Variants in NAA11 observed in about 807,000 individuals in gnomAD.
The protein encoded by NAA11 is N-alpha-acetyltransferase 11.
A neutral mutation model predicts 16.1 loss-of-function variants in NAA11; 15 were observed. The ratio of observed to expected loss-of-function variants is 0.93; its 90% CI spans 0.62 to 1.44. The LOEUF is 1.44. Ranked by LOEUF, NAA11 falls within the 40% of genes most tolerant of loss-of-function variation. The pLI is 0.00. For missense variants in NAA11, 298 were observed against 291.3 expected, an observed-to-expected ratio of 1.02 and a Z score of -0.17; for synonymous variants, 122 against 112.4, an observed-to-expected ratio of 1.09 and a Z score of -0.54.
At chr4:79,200,514 A>G in the NAA11 span, among the ~76,000 whole-genome samples, 1 of 151,774 alleles carries the variant, frequency 6.6e-6, no homozygotes, top group Non-Finnish European at 1.5e-5. Flanking sequence ...TGTTCTGAGT[A>G]GGTTTCTGCC....
chr4:79,194,852 A>C, the NAA11 span, among the ~76,000 whole-genome samples: 1 of 152,056 alleles, frequency 6.6e-6, no homozygotes, highest in Non-Finnish European at 1.5e-5. Context: ...TTTATGATGA[A>C]AAAAACTAAG....
chr4:79,276,839 C>G (rs1211310558), intron 2 of NAA11, among the ~76,000 whole-genome samples: 1 of 152,050 alleles, frequency 6.6e-6, no homozygotes, highest in African/African-American at 2.4e-5. Flanking sequence ...CAATTTAAAG[C>G]CCGAAATCAA....
At chr4:79,230,190 C>T (rs4333207) in intron 2 of NAA11, among the ~76,000 whole-genome samples, 2,305 of 151,622 alleles carry the variant, frequency 0.015, 55 homozygotes, top group African/African-American at 0.052. Context: ...AACCAAACAC[C>T]GCATATTCTC....
the NAA11 span, among the ~76,000 whole-genome samples, chr4:79,204,551 G>T: frequency 1.8e-5 from 2 of 113,090 alleles, no homozygotes; most frequent in African/African-American, 3.3e-5. Context: ...TCCTCCCTCC[G>T]TCCCTTCCTT....
At chr4:79,172,305 A>G in the NAA11 span, among the ~76,000 whole-genome samples, 1 of 152,176 alleles carries the variant, frequency 6.6e-6, no homozygotes, top group East Asian at 1.9e-4. Context: ...TATTGGAACC[A>G]TTTCCTTGAA....
At chr4:79,283,994 ATGAAGTGAT>A (rs374685893) in intron 2 of NAA11, among the ~76,000 whole-genome samples, 1,770 of 152,196 alleles carry the variant, frequency 0.012, 40 homozygotes, top group African/African-American at 0.041. Context: ...GAATGAATGA[ATGAAGTGAT>A]TGAGGAACTT....
chr4:79,231,398 A>G (rs921113654), intron 2 of NAA11, among the ~76,000 whole-genome samples: 6 of 151,920 alleles, frequency 3.9e-5, no homozygotes, highest in Non-Finnish European at 7.4e-5. Context: ...TGTCCTCCCT[A>G]GTTACACTGG....
chr4:79,213,526 C>T, the NAA11 span, among the ~76,000 whole-genome samples: 68 of 150,930 alleles, frequency 4.5e-4, 1 homozygote, highest in South Asian at 6.4e-3. Context: ...GAATAGGAAG[C>T]TTTTGTTTTA....
rs1400807134 is a variant in NAA11, at chr4:79,230,168, G to A, written c.*123-3898C>T. On this transcript the variant is annotated intron_variant and NMD_transcript_variant, in intron 2 of 2. Transcript: ENST00000511542. ...TGGGTTGGTTCCACAGTAAACTATC[G>A]CAAGAACAAAAAACCAAACACCGCA... 4.0e-5 allele frequency among the ~76,000 whole-genome samples: 6 copies of A among 151,360 alleles called. No homozygotes were observed. In the South Asian group the frequency reaches 6.3e-4, roughly 16 times the overall value.
the NAA11 span, among the ~76,000 whole-genome samples, chr4:79,168,323 A>G: frequency 6.6e-6 from 1 of 152,228 alleles, no homozygotes; most frequent in African/African-American, 2.4e-5. Flanking sequence ...CAGTGCCACA[A>G]TAAACATATG....
chr4:79,239,778 C>T (rs949374464), intron 2 of NAA11, among the ~76,000 whole-genome samples: 1 of 152,106 alleles, frequency 6.6e-6, no homozygotes, highest in Non-Finnish European at 1.5e-5. Flanking sequence ...TATTAATGCC[C>T]ACCAAGGGAT....
the NAA11 span, among the ~76,000 whole-genome samples, chr4:79,162,008 A>G: frequency 6.6e-6 from 1 of 152,040 alleles, no homozygotes; most frequent in Non-Finnish European, 1.5e-5. Context: ...ATTTCATTCC[A>G]CAGTATTTTG....
the NAA11 span, among the ~76,000 whole-genome samples, chr4:79,209,490 C>G: frequency 2.0e-5 from 3 of 152,188 alleles, no homozygotes; most frequent in South Asian, 2.1e-4. Flanking sequence ...GTTAATACAT[C>G]CACTGAACAC....
intron 1 of NAA11, chr4:79,299,512 A>G (rs1482096807): frequency 6.6e-6 from 1 of 152,220 alleles, no homozygotes; most frequent in Non-Finnish European, 1.5e-5. Context: ...GTTTGACTTT[A>G]TATCTCTGAC....
At chr4:79,159,932 TTTG>T in the NAA11 span, among the ~76,000 whole-genome samples, 2 of 152,082 alleles carry the variant, frequency 1.3e-5, no homozygotes, top group Admixed American at 6.5e-5. Context: ...TATACTAACT[TTTG>T]TTCATCTATT....
intron 2 of NAA11, among the ~76,000 whole-genome samples, chr4:79,244,530 A>T (rs1022518765): frequency 1.1e-4 from 17 of 152,118 alleles, no homozygotes; most frequent in Non-Finnish European, 1.9e-4. Flanking sequence ...TAAAATTTTT[A>T]AAATTAACTA....
chr4:79,185,835 A>G, the NAA11 span, among the ~76,000 whole-genome samples: 1 of 152,152 alleles, frequency 6.6e-6, no homozygotes, highest in Admixed American at 6.5e-5. Context: ...ATCTTGTCTG[A>G]AAGCTGGTTA....
downstream of NAA11, among the ~76,000 whole-genome samples, chr4:79,224,189 G>A (rs570140836): frequency 2.0e-5 from 3 of 152,230 alleles, no homozygotes; most frequent in African/African-American, 7.2e-5. Context: ...CAGCAGGCAA[G>A]AATCTGAAAG....
chr4:79,236,222 C>A (rs1243510187), intron 2 of NAA11, among the ~76,000 whole-genome samples: 6 of 152,018 alleles, frequency 3.9e-5, no homozygotes, highest in Non-Finnish European at 7.4e-5. Context: ...ACTTACTAAG[C>A]CTCCATTTGT....
Sources: allele counts gnomAD v4.1 joint callset (sites outside exome capture counted in the v4.1 genomes callset), GRCh38; gene constraint gnomAD v4.1.1; transcripts MANE v1.5; gene names NCBI Gene and HGNC (gene_info 2026-07-23, HGNC 2026-07-21).